EPX: variants seen among roughly 807,000 people sequenced by gnomAD.
The protein encoded by EPX is eosinophil peroxidase.
Under a neutral mutation model 73.0 loss-of-function variants are expected in EPX, and 60 were observed. The ratio of observed to expected loss-of-function variants is 0.82; its 90% confidence interval spans 0.67 to 1.02. The LOEUF (loss-of-function observed/expected upper bound fraction) is 1.02, where lower values mean the gene tolerates loss of function less well. Ranked by LOEUF, EPX falls within the 50% of genes least tolerant of loss-of-function variation. The pLI is 0.00. For synonymous variants in EPX, 347 were observed against 389.2 expected (o/e 0.89, Z 1.28); for missense variants, 950 against 973.9 (o/e 0.98, Z 0.33).
At chr17:58,198,307 G>C (rs1212227842) in intron 7 of EPX, among the ~76,000 whole-genome samples, 1 of 152,212 alleles carries the variant, frequency 6.6e-6, no homozygotes, top group African/African-American at 2.4e-5. Flanking sequence ...AACACAGTCA[G>C]TGTAGTATCA....
Position 58,200,371 on chromosome 17 carries a change from C to G in EPX, c.1684C>G (p.Arg562Gly), listed in dbSNP as rs376157164. ...GLDLAALNMQRSRDHGLPGYN... is the reference protein window; with the variant it reads ...GLDLAALNMQGSRDHGLPGYN... Reference sequence around the variant, plus strand: ...GGACCTGGCAGCTCTCAACATGCAACGAAGCCGGGACCACGGCCTTCCAGG... The same window carrying G: ...GGACCTGGCAGCTCTCAACATGCAAGGAAGCCGGGACCACGGCCTTCCAGG... Residue 562 changes from arginine to glycine, a missense_variant, in exon 10 of 13, where the codon CGA becomes GGA. Arg to Gly is a moderately radical substitution (Grantham distance 125). Transcript: ENST00000225371. 6.2e-7 allele frequency: 1 copy of G among 1,614,192 alleles called. No individual in the cohort carries two copies. Among genetic ancestry groups the G allele is most frequent in the South Asian group, 1.1e-5 (1 of 91,084 alleles).
At chr17:58,197,374 C>A in intron 7 of EPX, 117 bp downstream of exon 7, 1 of 1,190,094 alleles carries the variant, frequency 8.4e-7, no homozygotes. Flanking sequence ...GTATTAGGCA[C>A]ACCATAAGCA....
At position 58,199,042 on chromosome 17, in the gene EPX, G is replaced by T. The variant is rs758103031; in HGVS notation, c.1123G>T (p.Asp375Tyr). 3.5e-5 allele frequency: 57 copies of T among 1,613,440 alleles called. No homozygotes were observed. Among genetic ancestry groups the T allele is most frequent in the Non-Finnish European group, 4.4e-5 (52 of 1,179,986 alleles). The change falls in exon 8 of 13, where the codon GAC becomes TAC. Residue 375 changes from aspartate (D) to tyrosine (Y), a missense_variant and splice_region_variant. By Grantham distance (160) the Asp-to-Tyr change is radical. Coordinates refer to ENST00000225371, the MANE Select transcript of EPX (RefSeq NM_000502.6). ...SARIPCFLAGDTRSTETPKLA... is the reference protein window; with the variant it reads ...SARIPCFLAGYTRSTETPKLA... ...AATCTGAGCTTGGGGTTTTCAAGGT[G>T]ACACCCGATCAACGGAAACCCCCAA...
chr17:58,195,682 G>GCA (rs984937122), intron 6 of EPX, among the ~76,000 whole-genome samples: 2 of 150,894 alleles, frequency 1.3e-5, no homozygotes, highest in East Asian at 1.9e-4. Context: ...TGACACACGT[G>GCA]CACACACACA....
chr17:58,202,875 C>A (rs777033258), intron 10 of EPX: 6 of 616,116 alleles, frequency 9.7e-6, no homozygotes, highest in Non-Finnish European at 1.8e-5. Flanking sequence ...GTCTGATGCA[C>A]ACTGAGCACA....
At position 58,199,431 on chromosome 17, in the gene EPX, T is replaced by A. The variant is rs35974634; in HGVS notation, c.1282-108T>A. On this transcript the variant is annotated intron_variant, in intron 8 of 12. Coordinates refer to ENST00000225371, the MANE Select transcript of EPX (RefSeq NM_000502.6). ...ACCCACCAATAGTAAATTAATGTTG[T>A]CACATTTGACGTGATGACAATAAAG... is the stretch of plus-strand genomic sequence containing the variant. 7.3e-4 allele frequency: 968 copies of A among 1,332,418 alleles called. 9 individuals are homozygous for A. In the African/African-American group the frequency reaches 0.013, roughly 17 times the overall value. The allele number at this position is 1,332,418 out of a possible 1,614,324, so 82.5% of individuals were successfully genotyped here. A position where few individuals can be genotyped will look rare whatever the true frequency, so the allele number is the denominator to read the frequency against.
Position 58,194,075 on chromosome 17 carries a change from G to A in EPX, c.577G>A (p.Gly193Ser). 1.2e-6 allele frequency: 2 copies of A among 1,613,488 alleles called. No individual in the cohort carries two copies. The highest frequency in any genetic ancestry group is 8.5e-7 in the Non-Finnish European group (1 of 1,180,002). ...CTGGACCCCCAGCAGGAGGCGCAATGGCTTCCTTCTCCCTCTTGTGAGTTG... is the reference window on the plus strand; with the variant it reads ...CTGGACCCCCAGCAGGAGGCGCAATAGCTTCCTTCTCCCTCTTGTGAGTTG... ...FGWTPSRRRN[G>S]FLLPLVRAVS... Residue 193 changes from glycine to serine, a missense_variant, in exon 5 of 13, where the codon GGC becomes AGC. By Grantham distance (56) the Gly-to-Ser change is moderately conservative. Transcript: ENST00000225371.
intron 11 of EPX, among the ~76,000 whole-genome samples, chr17:58,203,665 G>T (rs1420687760): frequency 2.6e-5 from 4 of 152,010 alleles, no homozygotes; most frequent in Non-Finnish European, 2.9e-5. Flanking sequence ...GGGCGCGGTG[G>T]CTCACGCCTG....
Position 58,204,255 on chromosome 17 carries a change from A to C in EPX, c.1980A>C (p.Lys660Asn), listed in dbSNP as rs1307559689. The change falls in exon 12 of 13, where the codon AAA (lysine) becomes AAC (asparagine). Residue 660 changes from lysine to asparagine, a missense_variant. By Grantham distance (94) the Lys-to-Asn change is moderately conservative. Transcript: ENST00000225371. The stretch of plus-strand genomic sequence containing the variant: ...GGCAGAAACGAGGTGTTTTCACCAA[A>C]AGACAGCGCAAGGCCCTGAGCAGAA... ...FWWQKRGVFTKRQRKALSRIS... is the reference protein window; with the variant it reads ...FWWQKRGVFTNRQRKALSRIS... The C allele has an allele frequency of 2.5e-6, 4 of 1,614,188 alleles. No homozygotes were observed. The highest frequency in any genetic ancestry group is 3.4e-6 in the Non-Finnish European group (4 of 1,180,024).
chr17:58,194,193 TC>T, intron 5 of EPX, 101 bp downstream of exon 5: 1 of 1,192,688 alleles, frequency 8.4e-7, no homozygotes, highest in Non-Finnish European at 1.2e-6. Context: ...CCCAGGCCCT[TC>T]CACTGACCAG....
chr17:58,204,114 G>T lies in EPX; in HGVS notation c.1947-108G>T, dbSNP rs533213165. Reference sequence around the variant, plus strand: ...GAGATTCCAATCTTGCAGGAATTTTGTGAGAATTGAATGGAATAATATATG... The same window carrying T: ...GAGATTCCAATCTTGCAGGAATTTTTTGAGAATTGAATGGAATAATATATG... On this transcript the variant is annotated intron_variant, in intron 11 of 12. Coordinates refer to ENST00000225371, the MANE Select transcript of EPX (RefSeq NM_000502.6). 3 of 812,864 alleles carry T rather than the reference G, an allele frequency of 3.7e-6. No individual in the cohort carries two copies. In the Admixed American group the frequency reaches 5.9e-5, roughly 16 times the overall value. 50.4% of individuals were successfully genotyped at this position (812,864 alleles called of 1,614,324 possible).
At chr17:58,200,159 T>C in intron 9 of EPX, 66 bp from the exon 10 acceptor site, 2 of 1,503,166 alleles carry the variant, frequency 1.3e-6, no homozygotes, top group South Asian at 2.3e-5. Flanking sequence ...CTTGGCATCA[T>C]GTGATAACCC....
rs777050228 is a variant in EPX at position 58,195,118 on chromosome 17, G to T, written c.749G>T (p.Gly250Val). Residue 250 changes from glycine to valine, a missense_variant, in exon 6 of 13, where the codon GGC (glycine) becomes GTC (valine). Physicochemically the swap from Gly to Val is moderately radical, Grantham distance 109. Coordinates refer to ENST00000225371, the MANE Select transcript of EPX (RefSeq NM_000502.6). ...ESPARVAFTA[G>V]VDCERTCAQL... is the part of the protein sequence containing the mutation. The stretch of plus-strand genomic sequence containing the variant: ...CCGGCCAGAGTGGCCTTCACTGCAG[G>T]CGTTGACTGTGAGAGGACCTGCGCC... The T allele has an allele frequency of 7.4e-6, 12 of 1,614,028 alleles. No individual in the cohort carries two copies. The highest frequency in any genetic ancestry group is 4.0e-5 in the African/African-American group (3 of 74,910).
Position 58,194,079 on chromosome 17 carries a change from T to C in EPX, c.581T>C (p.Phe194Ser). The C allele has an allele frequency of 6.2e-7, 1 of 1,613,448 alleles. No homozygotes were observed. Among genetic ancestry groups the C allele is most frequent in the Non-Finnish European group, 8.5e-7 (1 of 1,180,012 alleles). Residue 194 changes from phenylalanine (F) to serine (S), a missense_variant, in exon 5 of 13, where the codon TTC becomes TCC. Phe to Ser is a radical substitution (Grantham distance 155). Coordinates refer to ENST00000225371, the MANE Select transcript of EPX (RefSeq NM_000502.6). ...ACCCCCAGCAGGAGGCGCAATGGCT[T>C]CCTTCTCCCTCTTGTGAGTTGGGGC... The part of the protein sequence containing the change: ...GWTPSRRRNG[F>S]LLPLVRAVSN...
At chr17:58,193,872 G>A in intron 4 of EPX, 41 bp downstream of exon 4, 4 of 1,601,760 alleles carry the variant, frequency 2.5e-6, no homozygotes, top group Non-Finnish European at 3.4e-6. Context: ...CTGCCTGGGG[G>A]ACCTCTCCCT....
Position 58,192,759 on chromosome 17 carries a change from G to T in EPX, c.-88G>T. The stretch of plus-strand genomic sequence containing the variant: ...GGAGGAAGTGAGAGGTCGGCTGGGG[G>T]TCCTCAAAGTGAGAGGGGAGCAGAG... On this transcript the variant is annotated 5_prime_UTR_variant, in exon 1 of 13. Coordinates refer to ENST00000225371, the MANE Select transcript of EPX (RefSeq NM_000502.6). 3 of 1,132,822 alleles carry T rather than the reference G, an allele frequency of 2.6e-6. No individual in the cohort carries two copies. The highest frequency in any genetic ancestry group is 3.9e-6 in the Non-Finnish European group (3 of 766,350). The allele number at this position is 1,132,822 out of a possible 1,614,324, so 70.2% of individuals were successfully genotyped here.
In EPX at chr17:58,193,771, G is replaced by C. The variant is rs764610927; in HGVS notation, c.404G>C (p.Arg135Pro). The C allele has an allele frequency of 3.1e-6, 5 of 1,612,706 alleles. No individual in the cohort carries two copies. The highest frequency in any genetic ancestry group is 2.7e-5 in the African/African-American group (2 of 74,864). The change falls in exon 4 of 13, where the codon CGG becomes CCG. Residue 135 changes from arginine to proline, a missense_variant. Transcript: ENST00000225371. ...TCCCAGGCCAGTGGCTGTGCTCTCC[G>C]GGACCAGGCCGAGCGCTGCAGCGAC... is the stretch of plus-strand genomic sequence containing the variant. ...LLSQASGCAL[R>P]DQAERCSDKY...
intron 10 of EPX, among the ~76,000 whole-genome samples, chr17:58,201,734 T>C (rs1030534666): frequency 5.3e-5 from 8 of 152,196 alleles, no homozygotes; most frequent in Admixed American, 1.3e-4. Context: ...TGTTATGTTT[T>C]TCATGGCCCG....
In EPX at chr17:58,199,756, G is replaced by A; in HGVS notation, c.1499G>A (p.Ser500Asn). The A allele has an allele frequency of 2.5e-6, 4 of 1,613,862 alleles. No individual in the cohort carries two copies. Among genetic ancestry groups the A allele is most frequent in the Non-Finnish European group, 3.4e-6 (4 of 1,179,988 alleles). Reference protein sequence around the residue: ...ASAPNSHVPLSSAFFASWRIV... With the variant: ...ASAPNSHVPLNSAFFASWRIV... Reference sequence around the variant, plus strand: ...GCACCCAACTCGCATGTCCCACTTAGCTCTGCCTTCTTTGCCAGCTGGCGG... The same window carrying A: ...GCACCCAACTCGCATGTCCCACTTAACTCTGCCTTCTTTGCCAGCTGGCGG... The change falls in exon 9 of 13, where the codon AGC (serine) becomes AAC (asparagine). Residue 500 changes from serine (S) to asparagine (N), a missense_variant. Transcript: ENST00000225371.
Sources: allele counts gnomAD v4.1 joint callset (sites outside exome capture counted in the v4.1 genomes callset), GRCh38; gene constraint gnomAD v4.1.1; transcripts MANE v1.5; gene names NCBI Gene and HGNC (gene_info 2026-07-23, HGNC 2026-07-21).